FGD6: variants seen among roughly 807,000 people sequenced by gnomAD.
FGD6 encodes the protein FYVE, RhoGEF and PH domain-containing protein 6.
In FGD6, 90 loss-of-function variants were observed where a neutral mutation model predicts 149.4. The ratio of observed to expected loss-of-function variants is 0.60; its 90% CI spans 0.51 to 0.72. The LOEUF (loss-of-function observed/expected upper bound fraction) is 0.72. Among genes scored for constraint, FGD6 ranks in the 30% least tolerant of loss-of-function variants. The pLI is 0.00. For missense variants in FGD6, 1,437 were observed against 1,684.8 expected (o/e 0.85, Z 2.57); for synonymous variants, 527 against 584.0 (o/e 0.90, Z 1.41).
At chr12:95,147,763 C>T (rs1424882655) in intron 5 of FGD6, among the ~76,000 whole-genome samples, 2 of 152,190 alleles carry the variant, frequency 1.3e-5, no homozygotes, top group East Asian at 1.9e-4. Flanking sequence ...ATCTATTTGA[C>T]AGGGTTGTTA....
At chr12:95,174,927 C>CAAAAAAAAA (rs10687970) in intron 2 of FGD6, among the ~76,000 whole-genome samples, 3 of 84,660 alleles carry the variant, frequency 3.5e-5, no homozygotes, top group African/African-American at 1.6e-4. Flanking sequence ...ACTCCATCTC[C>CAAAAAAAAA]AAAAAAAAAA....
At chr12:95,217,147 A>G in intron 1 of FGD6, 78 bp downstream of exon 1, 2 of 1,598,020 alleles carry the variant, frequency 1.3e-6, no homozygotes, top group Non-Finnish European at 1.7e-6. Flanking sequence ...CACCCCGGCG[A>G]AGAAAGTTGC....
At chr12:95,116,831 C>A in intron 8 of FGD6, 1 of 455,944 alleles carries the variant, frequency 2.2e-6, no homozygotes, top group Non-Finnish European at 4.4e-6. Context: ...TTTTTGAGAA[C>A]TTTTACCTTG....
intron 2 of FGD6, among the ~76,000 whole-genome samples, chr12:95,186,898 A>G (rs1032598789): frequency 3.3e-5 from 5 of 152,194 alleles, no homozygotes; most frequent in African/African-American, 1.2e-4. Flanking sequence ...TGAGGATCAT[A>G]ATATTGCCTA....
intron 2 of FGD6, among the ~76,000 whole-genome samples, chr12:95,179,939 G>A (rs1327952666): frequency 2.0e-5 from 3 of 152,014 alleles, no homozygotes; most frequent in Non-Finnish European, 2.9e-5. Context: ...TTAGCCAGGC[G>A]TGGTGGCACA....
intron 3 of FGD6, among the ~76,000 whole-genome samples, chr12:95,164,395 A>ATT (rs1880736713): frequency 1.3e-5 from 2 of 150,700 alleles, no homozygotes; most frequent in Admixed American, 1.3e-4. Context: ...TTCTTATCAT[A>ATT]TGTGTTCACT....
intron 1 of FGD6, among the ~76,000 whole-genome samples, chr12:95,212,815 A>G (rs888364026): frequency 6.6e-6 from 1 of 152,214 alleles, no homozygotes; most frequent in Non-Finnish European, 1.5e-5. Context: ...TTTTTTAAAA[A>G]AAAGAGGAGT....
At chr12:95,143,014 A>C (rs570335647) in intron 5 of FGD6, among the ~76,000 whole-genome samples, 1 of 152,228 alleles carries the variant, frequency 6.6e-6, no homozygotes, top group East Asian at 1.9e-4. Flanking sequence ...GCCTCAAGAT[A>C]TAAGTAAAAC....
At chr12:95,204,516 G>C (rs1007059126) in intron 2 of FGD6, among the ~76,000 whole-genome samples, 6 of 152,092 alleles carry the variant, frequency 3.9e-5, no homozygotes, top group Non-Finnish European at 8.8e-5. Context: ...TATCACTCCT[G>C]ACGACTTTCA....
chr12:95,105,188 T>C (rs1878572590), intron 13 of FGD6, 102 bp from the exon 14 acceptor site: 1 of 936,908 alleles, frequency 1.1e-6, no homozygotes, highest in Non-Finnish European at 1.7e-6. Flanking sequence ...CCACAACCAA[T>C]CTTCCTATCC....
intron 7 of FGD6, among the ~76,000 whole-genome samples, chr12:95,135,757 G>C (rs1176590457): frequency 6.6e-6 from 1 of 152,160 alleles, no homozygotes; most frequent in Non-Finnish European, 1.5e-5. Flanking sequence ...TACACAGAGT[G>C]ATTATGAAAT....
At chr12:95,107,718 AT>A in intron 11 of FGD6, 87 bp from the exon 12 acceptor site, 2 of 1,428,484 alleles carry the variant, frequency 1.4e-6, no homozygotes, top group South Asian at 1.2e-5. Context: ...TTCCCTGAGA[AT>A]TTTTTTCATG....
intron 2 of FGD6, among the ~76,000 whole-genome samples, chr12:95,204,253 C>A (rs2056681119): frequency 6.6e-6 from 1 of 152,082 alleles, no homozygotes; most frequent in African/African-American, 2.4e-5. Flanking sequence ...TTCCAGTCTC[C>A]TTCATCTTCA....
At position 95,172,594 on chromosome 12, in the gene FGD6, G is replaced by A; in HGVS notation, c.2586+6C>T. 1 of 1,594,852 alleles carries A rather than the reference G, an allele frequency of 6.3e-7. No homozygotes were observed. On this transcript the variant is annotated splice_donor_region_variant and intron_variant, in intron 3 of 20. Coordinates refer to ENST00000343958, the MANE Select transcript of FGD6 (RefSeq NM_018351.4). Reference sequence around the variant, plus strand: ...GGTCAAGAAGCAATTAAGTACCAAAGTATACCTGTTTATCTTCCAGTGGGT... The same window carrying A: ...GGTCAAGAAGCAATTAAGTACCAAAATATACCTGTTTATCTTCCAGTGGGT...
intron 8 of FGD6, among the ~76,000 whole-genome samples, chr12:95,132,727 G>A (rs1320833775): frequency 6.6e-6 from 1 of 151,886 alleles, no homozygotes; most frequent in Admixed American, 6.6e-5. Flanking sequence ...ACTCCAGCCT[G>A]GCAACTGAGC....
intron 3 of FGD6, among the ~76,000 whole-genome samples, chr12:95,162,804 G>A (rs570172522): frequency 1.3e-5 from 2 of 152,170 alleles, no homozygotes; most frequent in African/African-American, 2.4e-5. Context: ...CCAGAAACCT[G>A]GACTCTTCTT....
intron 3 of FGD6, 104 bp from the exon 4 acceptor site, chr12:95,153,097 C>T (rs1880358139): frequency 2.1e-6 from 2 of 938,042 alleles, no homozygotes; most frequent in Admixed American, 2.0e-5. Flanking sequence ...TAAGTTTCCT[C>T]CTAGCACACA....
chr12:95,145,799 G>A (rs1424652622), intron 5 of FGD6, among the ~76,000 whole-genome samples: 13 of 151,884 alleles, frequency 8.6e-5, no homozygotes, highest in African/African-American at 2.9e-4. Context: ...TCAGCCTCTC[G>A]AGTAGCTGAG....
intron 2 of FGD6, among the ~76,000 whole-genome samples, chr12:95,206,467 T>A (rs1450747338): frequency 2.0e-5 from 3 of 151,986 alleles, no homozygotes; most frequent in Non-Finnish European, 2.9e-5. Flanking sequence ...GGAGGATCAC[T>A]TGAGCACAGG....
Sources: gnomAD v4.1 joint callset for allele counts (sites outside exome capture counted in the v4.1 genomes callset) on GRCh38, gnomAD v4.1.1 for gene constraint, MANE v1.5 for transcripts, NCBI Gene and HGNC (gene_info 2026-07-23, HGNC 2026-07-21) for gene names.